TCERG1L: variants seen among roughly 807,000 people sequenced by gnomAD.
TCERG1L encodes transcription elongation regulator 1-like protein.
A neutral mutation model predicts 56.3 loss-of-function variants in TCERG1L; 37 were observed. That is an observed-to-expected ratio of 0.66 (90% CI 0.51 to 0.87). TCERG1L has a LOEUF of 0.87. Ranked by LOEUF, TCERG1L falls within the 40% of genes least tolerant of loss-of-function variation. The pLI, the probability that TCERG1L is intolerant of heterozygous loss-of-function variation, is 0.00. For synonymous variants in TCERG1L, 324 were observed against 326.3 expected (o/e 0.99, Z 0.08); for missense variants, 799 against 774.2 (o/e 1.03, Z -0.38).
rs78258067 is a variant in TCERG1L at position 131,112,845 on chromosome 10, A to G, written c.1395+3954T>C. Among the ~76,000 whole-genome samples the G allele has an allele frequency of 2.1e-3, 301 of 142,316 alleles. 24 individuals are homozygous for G. The highest frequency in any genetic ancestry group is 7.2e-3 in the African/African-American group (292 of 40,504). The allele number at this position is 142,316 out of a possible 152,430, so 93.4% of individuals were successfully genotyped here. The stretch of plus-strand genomic sequence containing the variant: ...AGGTGCCCAAATTTGCCGAGCGGTA[A>G]CCTTACCAAGGACTGGGAAGCAGGG... On this transcript the variant is annotated intron_variant, in intron 9 of 11. Coordinates refer to ENST00000368642, the MANE Select transcript of TCERG1L (RefSeq NM_174937.4).
chr10:131,115,397 A>G (rs1346763206), intron 9 of TCERG1L, among the ~76,000 whole-genome samples: 1 of 113,328 alleles, frequency 8.8e-6, no homozygotes, highest in African/African-American at 3.2e-5. Context: ...AGAGGGAGGG[A>G]CTAAAGTCTT....
chr10:131,162,826 G>A, intron 6 of TCERG1L: 2 of 269,458 alleles, frequency 7.4e-6, no homozygotes, highest in Admixed American at 5.2e-5. Flanking sequence ...GAAGCATAAG[G>A]CATGCTACAC....
intron 8 of TCERG1L, among the ~76,000 whole-genome samples, chr10:131,121,654 C>T (rs1845514341): frequency 6.6e-6 from 1 of 152,226 alleles, no homozygotes; most frequent in African/African-American, 2.4e-5. Flanking sequence ...GACGGCTCCA[C>T]ACACCCGTGC....
intron 9 of TCERG1L, among the ~76,000 whole-genome samples, chr10:131,105,322 C>A (rs1445854048): frequency 6.6e-6 from 1 of 152,200 alleles, no homozygotes; most frequent in Non-Finnish European, 1.5e-5. Context: ...ACTGTGAAGT[C>A]CCCCTCTCCA....
At chr10:131,106,348 C>T (rs1845351524) in intron 9 of TCERG1L, among the ~76,000 whole-genome samples, 2 of 152,150 alleles carry the variant, frequency 1.3e-5, no homozygotes, top group African/African-American at 4.8e-5. Context: ...CTAGTGGGAC[C>T]CAGCAAAGAC....
intron 4 of TCERG1L, among the ~76,000 whole-genome samples, chr10:131,223,703 CACATGCTCACACACAG>C (rs1845761091): frequency 6.6e-6 from 1 of 151,128 alleles, no homozygotes; most frequent in African/African-American, 2.4e-5. Context: ...CAGACACACA[CACATGCTCACACACAG>C]ACATGCTCAC....
chr10:131,136,833 G>A (rs185277667), intron 7 of TCERG1L, among the ~76,000 whole-genome samples: 9 of 151,858 alleles, frequency 5.9e-5, no homozygotes, highest in Non-Finnish European at 1.2e-4. Context: ...GTGGGAACCT[G>A]CTCTTCCCAT....
At chr10:131,305,556 T>C (rs1303710756) in intron 3 of TCERG1L, among the ~76,000 whole-genome samples, 2 of 152,072 alleles carry the variant, frequency 1.3e-5, no homozygotes, top group African/African-American at 2.4e-5. Context: ...TTTGAGTTCA[T>C]AGTATAAATT....
At chr10:131,144,703 G>T (rs545502377) in intron 7 of TCERG1L, among the ~76,000 whole-genome samples, 1 of 152,232 alleles carries the variant, frequency 6.6e-6, no homozygotes, top group East Asian at 1.9e-4. Flanking sequence ...GAGTACTTAG[G>T]TCTACCATAA....
At chr10:131,110,768 T>G (rs750539537) in intron 9 of TCERG1L, among the ~76,000 whole-genome samples, 5 of 152,196 alleles carry the variant, frequency 3.3e-5, no homozygotes, top group African/African-American at 4.8e-5. Context: ...ATTGTTCCAG[T>G]GGACGCGTCA....
At chr10:131,230,110 C>T (rs1157331357) in intron 4 of TCERG1L, among the ~76,000 whole-genome samples, 1 of 152,220 alleles carries the variant, frequency 6.6e-6, no homozygotes, top group Non-Finnish European at 1.5e-5. Flanking sequence ...TTTTCCCCTG[C>T]AGCCTCCCAG....
At chr10:131,156,606 C>T (rs561191600) in intron 6 of TCERG1L, among the ~76,000 whole-genome samples, 26 of 152,248 alleles carry the variant, frequency 1.7e-4, no homozygotes, top group Middle Eastern at 6.8e-3. Context: ...GACAGCCCGG[C>T]GCCACACCCT....
At chr10:131,138,546 G>A (rs1845699398) in intron 7 of TCERG1L, among the ~76,000 whole-genome samples, 1 of 152,054 alleles carries the variant, frequency 6.6e-6, no homozygotes, top group South Asian at 2.1e-4. Context: ...TGCAAAACCA[G>A]GAAAGTAGGG....
intron 4 of TCERG1L, among the ~76,000 whole-genome samples, chr10:131,201,378 A>G (rs1167316382): frequency 6.6e-6 from 1 of 152,174 alleles, no homozygotes; most frequent in African/African-American, 2.4e-5. Context: ...GAGGCCATCG[A>G]ACATCCGCAG....
At position 131,185,919 on chromosome 10, in the gene TCERG1L, C is replaced by T. The variant is rs548749230; in HGVS notation, c.857-19034G>A. Among the ~76,000 whole-genome samples the T allele has an allele frequency of 3.3e-5, 5 of 149,782 alleles. No homozygotes were observed. The South Asian group carries it at 1.0e-3, about 31-fold the overall frequency. On this transcript the variant is annotated intron_variant, in intron 4 of 11. Coordinates refer to ENST00000368642, the MANE Select transcript of TCERG1L (RefSeq NM_174937.4). ...AATACTTTTAAACAAATGTTCACAG[C>T]AACACTATTCATAATCACCAAAATG...
intron 3 of TCERG1L, among the ~76,000 whole-genome samples, chr10:131,282,137 GA>G (rs543405432): frequency 0.13 from 11,784 of 92,216 alleles, 286 homozygotes; most frequent in African/African-American, 0.19. Flanking sequence ...CTCCATCTCA[GA>G]AAAAAAAAAA....
intron 4 of TCERG1L, among the ~76,000 whole-genome samples, chr10:131,255,942 A>C (rs1463107330): frequency 6.6e-6 from 1 of 152,244 alleles, no homozygotes; most frequent in Non-Finnish European, 1.5e-5. Flanking sequence ...CATGCGTAAC[A>C]AACTATACAA....
rs912052771 is a variant in TCERG1L at position 131,175,709 on chromosome 10, G to T, written c.857-8824C>A. Among the ~76,000 whole-genome samples the T allele has an allele frequency of 1.4e-4, 22 of 152,304 alleles. No homozygotes were observed. The South Asian group carries it at 1.9e-3, about 13-fold the overall frequency. ...AAACCAGACAATTTCTATAAGAAAA[G>T]AAATAAAAATTCCAAGCACTCTTGT... is the stretch of plus-strand genomic sequence containing the variant. On this transcript the variant is annotated intron_variant, in intron 4 of 11. Coordinates refer to ENST00000368642, the MANE Select transcript of TCERG1L (RefSeq NM_174937.4).
intron 4 of TCERG1L, among the ~76,000 whole-genome samples, chr10:131,252,617 T>C (rs888973817): frequency 6.6e-6 from 1 of 152,030 alleles, no homozygotes; most frequent in Non-Finnish European, 1.5e-5. Context: ...AGACCAGCCG[T>C]CTCCAACGAG....
Sources: allele counts gnomAD v4.1 joint callset (sites outside exome capture counted in the v4.1 genomes callset), GRCh38; gene constraint gnomAD v4.1.1; transcripts MANE v1.5; gene names NCBI Gene and HGNC (gene_info 2026-07-23, HGNC 2026-07-21).